Variants in EPB41 observed in about 807,000 individuals in gnomAD.
EPB41 encodes the protein protein 4.1.
EPB41 carries 65 observed loss-of-function variants against 108.0 expected under a neutral mutation model. The ratio of observed to expected loss-of-function variants is 0.60; its 90% CI spans 0.49 to 0.74. The LOEUF (loss-of-function observed/expected upper bound fraction) is 0.74. Among genes scored for constraint, EPB41 ranks in the 30% least tolerant of loss-of-function variants. EPB41 has a pLI of 0.00. For missense variants in EPB41, 875 were observed against 1,037.0 expected, an observed-to-expected ratio of 0.84 and a Z score of 2.15; for synonymous variants, 336 against 358.9, an observed-to-expected ratio of 0.94 and a Z score of 0.72.
At position 28,967,686 on chromosome 1, in the gene EPB41, A is replaced by G. The variant is rs565630863; in HGVS notation, c.-7-19745A>G. Among the ~76,000 whole-genome samples, 76 of 151,814 alleles carry G rather than the reference A, an allele frequency of 5.0e-4. 1 individual carries two copies. Among genetic ancestry groups the G allele is most frequent in the African/African-American group, 1.8e-3 (75 of 41,372 alleles). On this transcript the variant is annotated intron_variant, in intron 1 of 20. Coordinates refer to ENST00000343067, the MANE Select transcript of EPB41 (RefSeq NM_001376013.1). ...AGTGGCATGATCACAGCTGACTGCA[A>G]CCTCCACCTCCTGGGCTTAAATGAT...
chr1:29,057,503 T>C (rs1645757614), intron 12 of EPB41, among the ~76,000 whole-genome samples: 2 of 152,086 alleles, frequency 1.3e-5, no homozygotes, highest in Non-Finnish European at 2.9e-5. Context: ...GGTGCTCTCT[T>C]AGGTTTTTTA....
intron 10 of EPB41, among the ~76,000 whole-genome samples, chr1:29,036,702 A>C (rs1639616186): frequency 7.3e-6 from 1 of 136,986 alleles, no homozygotes; most frequent in Non-Finnish European, 1.6e-5. Context: ...TTCGAGACAG[A>C]GTCTCGCTCT....
intron 11 of EPB41, among the ~76,000 whole-genome samples, chr1:29,051,897 T>TAAA (rs10715253): frequency 6.9e-6 from 1 of 144,686 alleles, no homozygotes; most frequent in African/African-American, 2.5e-5. Context: ...GACTCCATCT[T>TAAA]AAAAAAAAAA....
At chr1:28,954,915 A>G (rs2094884595) in intron 1 of EPB41, among the ~76,000 whole-genome samples, 1 of 152,220 alleles carries the variant, frequency 6.6e-6, no homozygotes, top group Admixed American at 6.5e-5. Context: ...GATTAGCAGA[A>G]CACATGATAA....
intron 12 of EPB41, among the ~76,000 whole-genome samples, chr1:29,056,241 A>AC (rs997574177): frequency 2.0e-5 from 3 of 151,848 alleles, no homozygotes; most frequent in African/African-American, 7.2e-5. Context: ...CTCAAAAAAA[A>AC]AAAAAACAAA....
rs543367711 is a variant in EPB41 at position 29,092,045 on chromosome 1, A to C, written c.2185-5762A>C. ...ATTGATTTGAGTACTACAGTGTGTA[A>C]GCTGGTTCAAACTGTATTGTTTACT... is the stretch of plus-strand genomic sequence containing the variant. On this transcript the variant is annotated intron_variant, in intron 16 of 20. Coordinates refer to ENST00000343067, the MANE Select transcript of EPB41 (RefSeq NM_001376013.1). 9.9e-5 allele frequency among the ~76,000 whole-genome samples: 15 copies of C among 151,570 alleles called. No homozygotes were observed. The East Asian group carries it at 2.9e-3, about 29-fold the overall frequency.
chr1:29,051,318 C>T (rs571926128), intron 11 of EPB41, among the ~76,000 whole-genome samples: 187 of 151,056 alleles, frequency 1.2e-3, no homozygotes, highest in Non-Finnish European at 2.0e-3. Flanking sequence ...AGGCTGGTCT[C>T]GAACTCCCGA....
At chr1:29,074,418 T>C (rs1652964907) in intron 16 of EPB41, among the ~76,000 whole-genome samples, 2 of 152,206 alleles carry the variant, frequency 1.3e-5, no homozygotes, top group African/African-American at 4.8e-5. Context: ...TTAATCTGTT[T>C]TGTGTGGCAT....
rs114071811 is a variant in EPB41 at position 28,998,171 on chromosome 1, C to T, written c.786+852C>T. 7.2e-3 allele frequency among the ~76,000 whole-genome samples: 1,102 copies of T among 152,164 alleles called. 16 individuals carry two copies. The highest frequency in any genetic ancestry group is 0.023 in the African/African-American group (939 of 41,526). The stretch of plus-strand genomic sequence containing the variant: ...CAGGTTGTCAGGGAAGAGTATGGCC[C>T]GGGAAGTCTCCTCTGGGGAGGTGAT... On this transcript the variant is annotated intron_variant, in intron 4 of 20. Transcript: ENST00000343067.
chr1:29,097,972 C>T (rs1362171383), intron 17 of EPB41, 37 bp downstream of exon 17: 1 of 1,613,720 alleles, frequency 6.2e-7, no homozygotes, highest in African/African-American at 1.3e-5. Flanking sequence ...CCAAAGGCTG[C>T]AAACAAAATT....
chr1:29,037,038 A>G (rs1320170681), intron 10 of EPB41, among the ~76,000 whole-genome samples: 1 of 151,824 alleles, frequency 6.6e-6, no homozygotes, highest in African/African-American at 2.4e-5. Flanking sequence ...AGCACACAGA[A>G]CCATATTTGA....
intron 2 of EPB41, among the ~76,000 whole-genome samples, chr1:28,990,929 G>A (rs1052289956): frequency 2.0e-5 from 3 of 152,028 alleles, no homozygotes; most frequent in Non-Finnish European, 2.9e-5. Context: ...TAAATTGTCC[G>A]TAGGTTATTT....
At chr1:29,031,685 T>A (rs994705021) in intron 8 of EPB41, 1 of 152,166 alleles carries the variant, frequency 6.6e-6, no homozygotes, top group African/African-American at 2.4e-5. Context: ...CAAAAACCAC[T>A]TGGGTAGGGC....
At chr1:28,901,213 G>A (rs1266840396) in intron 1 of EPB41, among the ~76,000 whole-genome samples, 1 of 148,370 alleles carries the variant, frequency 6.7e-6, no homozygotes, top group Non-Finnish European at 1.5e-5. Flanking sequence ...ACAGGCGTGA[G>A]CCACTGCACC....
At chr1:28,967,036 T>G (rs1023461020) in intron 1 of EPB41, among the ~76,000 whole-genome samples, 1 of 148,302 alleles carries the variant, frequency 6.7e-6, no homozygotes, top group Admixed American at 6.8e-5. Context: ...TTTTTTTTTT[T>G]GAGACGGAGT....
rs187200683 is a variant in EPB41 at position 28,901,502 on chromosome 1, C to T, written c.-8+14292C>T. ...CCTCCCAAAGTGTTGGGATTACAGGCGTGAGCCACTGCACTCGGCCTATTT... is the reference window on the plus strand; with the variant it reads ...CCTCCCAAAGTGTTGGGATTACAGGTGTGAGCCACTGCACTCGGCCTATTT... On this transcript the variant is annotated intron_variant, in intron 1 of 16. Transcript: ENST00000347529. Among the ~76,000 whole-genome samples the T allele has an allele frequency of 5.3e-5, 8 of 151,824 alleles. No homozygotes were observed. The South Asian group carries it at 1.5e-3, about 28-fold the overall frequency.
intron 5 of EPB41, among the ~76,000 whole-genome samples, chr1:29,013,271 G>A (rs1364994428): frequency 1.3e-5 from 2 of 151,294 alleles, no homozygotes; most frequent in African/African-American, 4.9e-5. Flanking sequence ...GTGGCAGTGA[G>A]CCGAGATCGC....
intron 16 of EPB41, chr1:29,069,368 T>C (rs913538551): frequency 8.1e-7 from 1 of 1,230,554 alleles, no homozygotes; most frequent in African/African-American, 1.5e-5. Flanking sequence ...AATTGGACAA[T>C]TGGGGAGAAA....
intron 12 of EPB41, among the ~76,000 whole-genome samples, chr1:29,057,728 G>A (rs1246179185): frequency 6.6e-6 from 1 of 152,102 alleles, no homozygotes; most frequent in Non-Finnish European, 1.5e-5. Context: ...CCTCTTAATA[G>A]TCTGTTTTTT....
Sources: gnomAD v4.1 joint callset for allele counts (sites outside exome capture counted in the v4.1 genomes callset) on GRCh38, gnomAD v4.1.1 for gene constraint, MANE v1.5 for transcripts, NCBI Gene and HGNC (gene_info 2026-07-23, HGNC 2026-07-21) for gene names.